Variants in CALCRL observed in about 807,000 individuals in gnomAD.
The protein encoded by CALCRL is calcitonin gene-related peptide type 1 receptor.
A neutral mutation model predicts 60.4 loss-of-function variants in CALCRL; 27 were observed. That is an observed-to-expected ratio of 0.45 (90% CI 0.33 to 0.62). The LOEUF is 0.62. CALCRL is among the 20% of genes least tolerant of loss of function. The probability of loss-of-function intolerance (pLI) is 0.03; values close to 1 mark genes in which losing one functional copy is unlikely to be tolerated. For synonymous variants in CALCRL, 190 were observed against 182.6 expected, an observed-to-expected ratio of 1.04 and a Z score of -0.33; for missense variants, 424 against 540.7, an observed-to-expected ratio of 0.78 and a Z score of 2.14.
At chr2:187,366,026 G>T (rs1324224873) in intron 8 of CALCRL, among the ~76,000 whole-genome samples, 1 of 151,666 alleles carries the variant, frequency 6.6e-6, no homozygotes, top group Non-Finnish European at 1.5e-5. Flanking sequence ...GGTGGATCAT[G>T]AGGTCAGGAG....
chr2:187,410,587 G>A (rs1460753966), intron 1 of CALCRL, among the ~76,000 whole-genome samples: 2 of 152,198 alleles, frequency 1.3e-5, no homozygotes, highest in South Asian at 2.1e-4. Context: ...TTGAAAGCCT[G>A]TTTTAGACAG....
rs1198063315 is a variant in CALCRL, at chr2:187,351,149, G to A, written c.1170+771C>T. On this transcript the variant is annotated intron_variant, in intron 14 of 14. Coordinates refer to ENST00000392370, the MANE Select transcript of CALCRL (RefSeq NM_005795.6). The stretch of plus-strand genomic sequence containing the variant: ...AAATACAAAAAATTAGCCGGGCGCG[G>A]TGGCGGGCGCCTGTAGTCCCAGCTA... Among the ~76,000 whole-genome samples the A allele has an allele frequency of 4.2e-3, 101 of 23,996 alleles. 47 individuals are homozygous for A. The Middle Eastern group carries it at 0.065, about 15-fold the overall frequency. The allele number at this position is 23,996 out of a possible 152,430, so 15.7% of individuals were successfully genotyped here.
intron 1 of CALCRL, among the ~76,000 whole-genome samples, chr2:187,423,292 A>G (rs1689965086): frequency 2.6e-5 from 4 of 151,800 alleles, no homozygotes; most frequent in Admixed American, 2.0e-4. Flanking sequence ...CCTCATTTTC[A>G]TTGCATAAAT....
chr2:187,399,996 A>C (rs1187455772), intron 1 of CALCRL, among the ~76,000 whole-genome samples: 1 of 151,476 alleles, frequency 6.6e-6, no homozygotes, highest in African/African-American at 2.4e-5. Context: ...ACAAAATTAC[A>C]GCTAGATAGG....
intron 1 of CALCRL, among the ~76,000 whole-genome samples, chr2:187,427,695 C>T (rs1690205964): frequency 6.6e-6 from 1 of 152,010 alleles, no homozygotes; most frequent in Non-Finnish European, 1.5e-5. Context: ...TAAATGTTAT[C>T]AGGTGCTCAA....
intron 12 of CALCRL, among the ~76,000 whole-genome samples, chr2:187,354,681 G>A (rs542997198): frequency 2.4e-4 from 36 of 152,126 alleles, no homozygotes; most frequent in Non-Finnish European, 3.7e-4. Flanking sequence ...AGGCCAACAA[G>A]ATGGGAAAGT....
chr2:187,426,118 A>G (rs545383760), intron 1 of CALCRL, among the ~76,000 whole-genome samples: 92 of 151,916 alleles, frequency 6.1e-4, no homozygotes, highest in African/African-American at 2.2e-3. Context: ...AACTCATTAT[A>G]TAGAAAAAAA....
At chr2:187,378,575 T>G (rs1247386113) in intron 8 of CALCRL, among the ~76,000 whole-genome samples, 1 of 152,174 alleles carries the variant, frequency 6.6e-6, no homozygotes, top group Admixed American at 6.5e-5. Flanking sequence ...AATTCCGGTT[T>G]CTAAAATGGA....
intron 1 of CALCRL, among the ~76,000 whole-genome samples, chr2:187,437,241 T>A (rs2105903200): frequency 6.6e-6 from 1 of 152,224 alleles, no homozygotes; most frequent in Admixed American, 6.5e-5. Context: ...AAAAACATAT[T>A]TAAAACTCAG....
Position 187,352,235 on chromosome 2 carries a change from C to G in CALCRL, c.1007G>C (p.Arg336Thr), listed in dbSNP as rs1191036347. Residue 336 changes from arginine (R) to threonine (T), a missense_variant, in exon 13 of 15, where the codon AGA (arginine) becomes ACA (threonine). Around this residue, in one of 7 missense-constraint regions of CALCRL, gnomAD observed 222 missense variants for 265.6 expected, o/e 0.84. Coordinates refer to ENST00000392370, the MANE Select transcript of CALCRL (RefSeq NM_005795.6). Reference protein sequence around the residue: ...AESNLYMKAVRATLILVPLLG... With the variant: ...AESNLYMKAVTATLILVPLLG... The stretch of plus-strand genomic sequence containing the variant: ...CAATGGCACCAAGATAAGAGTAGCT[C>G]TCACAGCTTTCATGTACAGATTGGA... 6.2e-7 allele frequency: 1 copy of G among 1,612,358 alleles called. No individual in the cohort carries two copies. The highest frequency in any genetic ancestry group is 1.1e-5 in the South Asian group (1 of 91,040).
intron 1 of CALCRL, among the ~76,000 whole-genome samples, chr2:187,405,224 G>A (rs959441792): frequency 2.0e-5 from 3 of 151,942 alleles, no homozygotes; most frequent in Non-Finnish European, 4.4e-5. Context: ...TGGTTTAATT[G>A]GCCTCAGTTA....
At chr2:187,347,697 T>C (rs1238870603) in intron 14 of CALCRL, among the ~76,000 whole-genome samples, 1 of 151,198 alleles carries the variant, frequency 6.6e-6, no homozygotes, top group Non-Finnish European at 1.5e-5. Flanking sequence ...CTATAGAAAA[T>C]AGGTGTTCCA....
chr2:187,370,122 CT>C (rs1687458977), intron 8 of CALCRL, among the ~76,000 whole-genome samples: 2 of 152,152 alleles, frequency 1.3e-5, no homozygotes, highest in Admixed American at 1.3e-4. Flanking sequence ...ATTCCCATCT[CT>C]TTCATGTAAG....
chr2:187,356,163 T>C (rs191637116), intron 12 of CALCRL, among the ~76,000 whole-genome samples: 3 of 152,260 alleles, frequency 2.0e-5, no homozygotes, highest in African/African-American at 7.2e-5. Flanking sequence ...ACGTTTCATA[T>C]GGAACCAAAA....
chr2:187,380,427 G>T, intron 7 of CALCRL, 40 bp downstream of exon 7: 1 of 1,170,246 alleles, frequency 8.5e-7, no homozygotes, highest in African/African-American at 1.5e-5. Context: ...TGTTTAAACA[G>T]ATACTGTAAG....
chr2:187,426,243 T>TA (rs1007800363), intron 1 of CALCRL, among the ~76,000 whole-genome samples: 4 of 67,662 alleles, frequency 5.9e-5, no homozygotes, highest in African/African-American at 1.2e-4. Flanking sequence ...TCATTTATTA[T>TA]TTTTTTTTTT....
rs1004385121 is a variant in CALCRL, at chr2:187,343,235, G to A, written c.*2949C>T. On this transcript the variant is annotated 3_prime_UTR_variant, in exon 15 of 15. Transcript: ENST00000392370. ...TTTGAGAAGTATCCCATTGATTACT[G>A]TAAGAATTATGTTTATAAATTAGAT... 1 of 151,452 alleles carries A rather than the reference G, an allele frequency of 6.6e-6. No individual in the cohort carries two copies. The highest frequency in any genetic ancestry group is 1.5e-5 in the Non-Finnish European group (1 of 67,510). 9.4% of individuals were successfully genotyped at this position (151,452 alleles called of 1,614,324 possible). A position where few individuals can be genotyped will look rare whatever the true frequency, so the allele number is the denominator to read the frequency against.
intron 1 of CALCRL, among the ~76,000 whole-genome samples, chr2:187,417,823 G>T (rs973515260): frequency 1.3e-5 from 2 of 152,002 alleles, no homozygotes; most frequent in South Asian, 4.2e-4. Context: ...TTAATTTAAA[G>T]GTATGAACTA....
intron 1 of CALCRL, among the ~76,000 whole-genome samples, chr2:187,401,963 G>A (rs183419576): frequency 2.0e-5 from 3 of 151,236 alleles, no homozygotes; most frequent in Admixed American, 1.3e-4. Context: ...AAGAAAGGAA[G>A]AAGGGAAGGA....
Sources: allele counts gnomAD v4.1 joint callset (sites outside exome capture counted in the v4.1 genomes callset), GRCh38; gene constraint gnomAD v4.1.1; regional missense constraint gnomAD v4.1.1; transcripts MANE v1.5; gene names NCBI Gene and HGNC (gene_info 2026-07-23, HGNC 2026-07-21).